MARCHF8: variants seen among roughly 807,000 people sequenced by gnomAD.
MARCHF8 encodes the protein membrane associated ring-CH-type finger 8.
In MARCHF8, 40 loss-of-function variants were observed where a neutral mutation model predicts 51.6. That is an observed-to-expected ratio of 0.77 (90% CI 0.60 to 1.01). The LOEUF (loss-of-function observed/expected upper bound fraction) is 1.01, where lower values mean the gene tolerates loss of function less well. MARCHF8 is among the 50% of genes least tolerant of loss of function. MARCHF8 has a pLI of 0.00. For synonymous variants in MARCHF8, 263 were observed against 280.3 expected (o/e 0.94, Z 0.62); for missense variants, 685 against 708.6 (o/e 0.97, Z 0.38).
intron 1 of MARCHF8, among the ~76,000 whole-genome samples, chr10:45,542,278 C>T (rs548076124): frequency 3.5e-4 from 47 of 133,442 alleles, no homozygotes; most frequent in Non-Finnish European, 4.7e-4. Flanking sequence ...ACCTGGGAGG[C>T]GAAGCTTGTA....
chr10:45,538,825 T>C (rs896471696), upstream of MARCHF8, among the ~76,000 whole-genome samples: 3 of 152,154 alleles, frequency 2.0e-5, no homozygotes, highest in East Asian at 1.9e-4. Context: ...AACAAGTCCT[T>C]AGTGACCTAC....
chr10:45,462,567 G>A lies in MARCHF8; in HGVS notation c.1088+584C>T, dbSNP rs186693257. 2.1e-4 allele frequency among the ~76,000 whole-genome samples: 31 copies of A among 151,206 alleles called. No homozygotes were observed. The East Asian group carries it at 5.6e-3, about 27-fold the overall frequency. ...TTTATGCAAAGTCTACTTATTTTTAGTTTAGAAGAGTCAGCTTGGCCTTTA... is the reference window on the plus strand; with the variant it reads ...TTTATGCAAAGTCTACTTATTTTTAATTTAGAAGAGTCAGCTTGGCCTTTA... On this transcript the variant is annotated intron_variant, in intron 5 of 7. Coordinates refer to ENST00000453424, the MANE Select transcript of MARCHF8 (RefSeq NM_001282866.2).
chr10:45,545,041 T>C (rs1319670591), intron 1 of MARCHF8, among the ~76,000 whole-genome samples: 1 of 152,200 alleles, frequency 6.6e-6, no homozygotes, highest in East Asian at 1.9e-4. Flanking sequence ...CCTTTTGGGC[T>C]AACTAACTCT....
chr10:45,498,231 T>C (rs1467013944), intron 2 of MARCHF8, among the ~76,000 whole-genome samples: 1 of 152,224 alleles, frequency 6.6e-6, no homozygotes, highest in East Asian at 1.9e-4. Context: ...ATTAAGTATA[T>C]TCACATTGTT....
chr10:45,518,718 C>T (rs923236305), intron 2 of MARCHF8, among the ~76,000 whole-genome samples: 1 of 152,194 alleles, frequency 6.6e-6, no homozygotes, highest in Non-Finnish European at 1.5e-5. Context: ...TCCGTTTCCA[C>T]ATTATCTCTG....
intron 1 of MARCHF8, among the ~76,000 whole-genome samples, chr10:45,578,022 T>C (rs1185796531): frequency 6.6e-6 from 1 of 152,074 alleles, no homozygotes; most frequent in Non-Finnish European, 1.5e-5. Context: ...ACCCTGTCTC[T>C]AAAAAAATTG....
In MARCHF8 at chr10:45,511,382, T is replaced by C. The variant is rs1589136649; in HGVS notation, c.102+21728A>G. Among the ~76,000 whole-genome samples, 11 of 131,936 alleles carry C rather than the reference T, an allele frequency of 8.3e-5. 1 individual carries two copies. The South Asian group carries it at 2.5e-3, about 30-fold the overall frequency. The allele number at this position is 131,936 out of a possible 152,430, so 86.6% of individuals were successfully genotyped here. ...ATAGAAATTATAACACTGTGCCCTC[T>C]CCCTCTCCCTCTCCCTCTCCCCACG... is the stretch of plus-strand genomic sequence containing the variant. On this transcript the variant is annotated intron_variant, in intron 2 of 7. Coordinates refer to ENST00000453424, the MANE Select transcript of MARCHF8 (RefSeq NM_001282866.2).
rs2291429 is a variant in MARCHF8 at position 45,463,433 on chromosome 10, A to C, written c.806T>G (p.Leu269Trp). ...GAACCTGTGCAGGCTGCTGGCGCTCAAGCCGTGCGAGAGTGAGAACAGGTA... is the reference window on the plus strand; with the variant it reads ...GAACCTGTGCAGGCTGCTGGCGCTCCAGCCGTGCGAGAGTGAGAACAGGTA... ...LQYLFSLSHG[L>W]SASSLHRFHE... The change falls in exon 5 of 8, where the codon TTG becomes TGG. Residue 269 changes from leucine (L) to tryptophan (W), a missense_variant. Physicochemically the swap from Leu to Trp is moderately conservative, Grantham distance 61. Coordinates refer to ENST00000453424, the MANE Select transcript of MARCHF8 (RefSeq NM_001282866.2). 368,915 of 1,550,466 alleles carry C rather than the reference A, an allele frequency of 0.24. 45,449 individuals are homozygous for C. Among genetic ancestry groups the C allele is most frequent in the Admixed American group, 0.31 (15,809 of 51,000 alleles).
upstream of MARCHF8, among the ~76,000 whole-genome samples, chr10:45,537,673 GA>G (rs909894558): frequency 2.1e-4 from 31 of 149,918 alleles, no homozygotes; most frequent in African/African-American, 6.3e-4. Flanking sequence ...AAAAAGAAAA[GA>G]AAAAAATTAT....
At chr10:45,536,931 A>G (rs2133292512), upstream of MARCHF8, among the ~76,000 whole-genome samples, 1 of 151,420 alleles carries the variant, frequency 6.6e-6, no homozygotes, top group East Asian at 1.9e-4. Flanking sequence ...ATTAGCCATC[A>G]TGGAAATACA....
chr10:45,464,141 C>T, intron 4 of MARCHF8, 98 bp downstream of exon 4: 1 of 1,557,680 alleles, frequency 6.4e-7, no homozygotes, highest in Non-Finnish European at 8.8e-7. Context: ...AGACCAAAGG[C>T]AGATTGATTA....
At chr10:45,476,954 C>T (rs1005067531) in intron 3 of MARCHF8, among the ~76,000 whole-genome samples, 1 of 152,094 alleles carries the variant, frequency 6.6e-6, no homozygotes, top group African/African-American at 2.4e-5. Flanking sequence ...ATAATAGCTG[C>T]AAACTTCCCA....
chr10:45,479,567 T>C (rs186997294), intron 3 of MARCHF8, among the ~76,000 whole-genome samples: 1 of 152,264 alleles, frequency 6.6e-6, no homozygotes, highest in Non-Finnish European at 1.5e-5. Flanking sequence ...TAGGTGCAGT[T>C]TCCCCCATAC....
At position 45,464,554 on chromosome 10, in the gene MARCHF8, C is replaced by T. The variant is rs141206440; in HGVS notation, c.154-227G>A. ...AAGAAATGTCTAAGGCTATGGAACACCACTACTAATCTCTTGCAGGTCCAG... is the reference window on the plus strand; with the variant it reads ...AAGAAATGTCTAAGGCTATGGAACATCACTACTAATCTCTTGCAGGTCCAG... On this transcript the variant is annotated intron_variant, in intron 3 of 7. Transcript: ENST00000453424. Among the ~76,000 whole-genome samples, 350 of 152,332 alleles carry T rather than the reference C, an allele frequency of 2.3e-3. 1 individual carries two copies. Among genetic ancestry groups the T allele is most frequent in the Non-Finnish European group, 4.2e-3 (286 of 68,032 alleles).
chr10:45,547,000 A>T (rs2044132994), intron 1 of MARCHF8, among the ~76,000 whole-genome samples: 1 of 152,074 alleles, frequency 6.6e-6, no homozygotes, highest in African/African-American at 2.4e-5. Flanking sequence ...AGGTGGGAGG[A>T]CCACTTTAGG....
At position 45,458,233 on chromosome 10, in the gene MARCHF8, A is replaced by C; in HGVS notation, c.*6T>G. The C allele has an allele frequency of 6.2e-7, 1 of 1,600,790 alleles. No homozygotes were observed. The highest frequency in any genetic ancestry group is 2.2e-5 in the East Asian group (1 of 44,762). ...GATGTCCAGGAAAATGACAACCCGC[A>C]CACAATCAGACGTGAATGATTTCTG... On this transcript the variant is annotated 3_prime_UTR_variant, in exon 8 of 8. Coordinates refer to ENST00000453424, the MANE Select transcript of MARCHF8 (RefSeq NM_001282866.2).
intron 1 of MARCHF8, among the ~76,000 whole-genome samples, chr10:45,564,793 T>G (rs2044346714): frequency 6.6e-6 from 1 of 152,000 alleles, no homozygotes; most frequent in Non-Finnish European, 1.5e-5. Flanking sequence ...AGCTGATTTT[T>G]TTTTTAATCA....
At chr10:45,458,864 T>C (rs533704390) in intron 7 of MARCHF8, among the ~76,000 whole-genome samples, 1 of 152,300 alleles carries the variant, frequency 6.6e-6, no homozygotes, top group African/African-American at 2.4e-5. Context: ...TGGAAGACAG[T>C]GTCCAGCTAC....
At chr10:45,539,010 T>A (rs1384883894), upstream of MARCHF8, among the ~76,000 whole-genome samples, 1 of 152,190 alleles carries the variant, frequency 6.6e-6, no homozygotes, top group Non-Finnish European at 1.5e-5. Context: ...ATCAACAGAA[T>A]ATACATTCTT....
Sources: gnomAD v4.1 joint callset for allele counts (sites outside exome capture counted in the v4.1 genomes callset) on GRCh38, gnomAD v4.1.1 for gene constraint, MANE v1.5 for transcripts, NCBI Gene and HGNC (gene_info 2026-07-23, HGNC 2026-07-21) for gene names.